UBE2D2: variants seen among roughly 807,000 people sequenced by gnomAD.
The protein encoded by UBE2D2 is ubiquitin-conjugating enzyme E2 D2.
Under a neutral mutation model 24.2 loss-of-function variants are expected in UBE2D2, and 2 were observed. The observed-to-expected ratio is 0.08, with a 90% CI of 0.03 to 0.26. UBE2D2 has a LOEUF of 0.26. UBE2D2 is among the 10% of genes least tolerant of loss of function. The probability of loss-of-function intolerance (pLI) is 1.00; values close to 1 mark genes in which losing one functional copy is unlikely to be tolerated. For missense variants in UBE2D2, 44 were observed against 177.6 expected, an observed-to-expected ratio of 0.25 and a Z score of 4.28; for synonymous variants, 58 against 56.5, an observed-to-expected ratio of 1.03 and a Z score of -0.12.
At chr5:139,621,270 A>G (rs1280134871) in intron 5 of UBE2D2, among the ~76,000 whole-genome samples, 1 of 152,180 alleles carries the variant, frequency 6.6e-6, no homozygotes, top group Non-Finnish European at 1.5e-5. Context: ...AAATAAATAA[A>G]TATTTTAAAA....
At chr5:139,545,907 A>G (rs1337242351) in intron 1 of UBE2D2, among the ~76,000 whole-genome samples, 2 of 150,070 alleles carry the variant, frequency 1.3e-5, no homozygotes, top group African/African-American at 2.5e-5. Flanking sequence ...TATTTTTTTA[A>G]GTAGAGATGG....
At chr5:139,564,098 A>AT (rs1224042449) in intron 1 of UBE2D2, among the ~76,000 whole-genome samples, 1 of 152,144 alleles carries the variant, frequency 6.6e-6, no homozygotes, top group Non-Finnish European at 1.5e-5. Flanking sequence ...TCTAGAATAG[A>AT]TTTTCCTTAA....
At chr5:139,560,947 G>A (rs1291266716), upstream of UBE2D2, among the ~76,000 whole-genome samples, 1 of 152,214 alleles carries the variant, frequency 6.6e-6, no homozygotes, top group African/African-American at 2.4e-5. Context: ...TGTGACCTTG[G>A]CCAAGTCCCT....
rs1754668255 is a variant in UBE2D2, at chr5:139,628,098, CAA to C, written c.*1298_*1299del. On this transcript the variant is annotated 3_prime_UTR_variant, in exon 7 of 7. Coordinates refer to ENST00000398733, the MANE Select transcript of UBE2D2 (RefSeq NM_003339.3). ...AGCAACATTGACCAAACCTGGGAAA[CAA>C]GAGCACAGTCTTGTTTGGAGAGTCT... The C allele has an allele frequency of 6.6e-6, 1 of 152,632 alleles. No homozygotes were observed. The highest frequency in any genetic ancestry group is 1.5e-5 in the Non-Finnish European group (1 of 68,040). The allele number at this position is 152,632 out of a possible 1,614,324, so 9.5% of individuals were successfully genotyped here.
rs1222873827 is a variant in UBE2D2, at chr5:139,581,904, T to C, written c.25-18468T>C. ...GGCTGGTTTCAAACTCCTGACCTTG[T>C]GATCTGGCCGCCATGGCCTCCCAAA... On this transcript the variant is annotated intron_variant, in intron 1 of 6. Transcript: ENST00000398733. 2.0e-5 allele frequency among the ~76,000 whole-genome samples: 3 copies of C among 152,282 alleles called. No individual in the cohort carries two copies. In the East Asian group the frequency reaches 5.8e-4, roughly 29 times the overall value.
chr5:139,583,580 G>A (rs1295954965), intron 1 of UBE2D2, among the ~76,000 whole-genome samples: 4 of 152,070 alleles, frequency 2.6e-5, no homozygotes, highest in African/African-American at 7.2e-5. Flanking sequence ...TGGCCAACAA[G>A]GTGAAACCCT....
chr5:139,585,623 C>T (rs1328746263), intron 1 of UBE2D2, among the ~76,000 whole-genome samples: 2 of 151,972 alleles, frequency 1.3e-5, no homozygotes, highest in Admixed American at 1.3e-4. Flanking sequence ...AGTATTTGAG[C>T]ACTAATTCTG....
Position 139,626,812 on chromosome 5 carries a change from T to G in UBE2D2, c.*11T>G. The G allele has an allele frequency of 6.2e-7, 1 of 1,610,444 alleles. No individual in the cohort carries two copies. The highest frequency in any genetic ancestry group is 8.5e-7 in the Non-Finnish European group (1 of 1,177,358). ...AAGTATGCGATGTAATTAAAGAAAT[T>G]ATTGGATAACCTCTACAAATAAAGA... is the stretch of plus-strand genomic sequence containing the variant. On this transcript the variant is annotated 3_prime_UTR_variant, in exon 7 of 7. Transcript: ENST00000398733.
Position 139,571,145 on chromosome 5 carries a change from A to T in UBE2D2, c.24+9330A>T, listed in dbSNP as rs773334086. 2.6e-5 allele frequency among the ~76,000 whole-genome samples: 4 copies of T among 151,994 alleles called. 1 individual carries two copies. The highest frequency in any genetic ancestry group is 6.3e-3 in the Middle Eastern group (2 of 316). On this transcript the variant is annotated intron_variant, in intron 1 of 6. Transcript: ENST00000398733. ...ACAGATCGGCTGGGCGCGGTGGCTC[A>T]TGCCTGTAATCCCAGCACTTTGGGA...
intron 1 of UBE2D2, among the ~76,000 whole-genome samples, chr5:139,542,717 G>T (rs898262412): frequency 6.6e-6 from 1 of 152,130 alleles, no homozygotes; most frequent in Non-Finnish European, 1.5e-5. Context: ...AGTAACCCAA[G>T]TGTCCATCAG....
chr5:139,559,748 C>T (rs1165449371), upstream of UBE2D2, among the ~76,000 whole-genome samples: 1 of 152,128 alleles, frequency 6.6e-6, no homozygotes, highest in East Asian at 1.9e-4. Context: ...TCTGCAAGGT[C>T]CTTTCTGGAT....
chr5:139,625,505 AC>A lies in UBE2D2; in HGVS notation c.399-1250del, dbSNP rs202231850. Among the ~76,000 whole-genome samples, 1,131 of 132,788 alleles carry A rather than the reference AC, an allele frequency of 8.5e-3. 8 individuals carry two copies. The highest frequency in any genetic ancestry group is 0.065 in the Middle Eastern group (12 of 186). The allele number at this position is 132,788 out of a possible 152,430, so 87.1% of individuals were successfully genotyped here. On this transcript the variant is annotated intron_variant, in intron 6 of 6. Transcript: ENST00000398733. ...GTTGCCCGGACTGGAATGCAGTGGCACAATCACAGCTCACTGTAACCTCAAC... is the reference window on the plus strand; with the variant it reads ...GTTGCCCGGACTGGAATGCAGTGGCAAATCACAGCTCACTGTAACCTCAAC...
At chr5:139,563,138 A>T (rs1014719898) in intron 1 of UBE2D2, among the ~76,000 whole-genome samples, 1 of 152,110 alleles carries the variant, frequency 6.6e-6, no homozygotes, top group African/African-American at 2.4e-5. Context: ...GAATGATGGG[A>T]TGGGGATGCA....
chr5:139,534,429 C>T (rs1752639089), intron 1 of UBE2D2, among the ~76,000 whole-genome samples: 3 of 151,904 alleles, frequency 2.0e-5, no homozygotes, highest in South Asian at 2.1e-4. Flanking sequence ...AGCCGGGCGT[C>T]GTGGCGGGCG....
chr5:139,542,292 A>G (rs1247998457), intron 1 of UBE2D2, among the ~76,000 whole-genome samples: 1 of 152,194 alleles, frequency 6.6e-6, no homozygotes, highest in African/African-American at 2.4e-5. Context: ...ATGAGCCACC[A>G]CACTCAGCCT....
In UBE2D2 at chr5:139,626,742, C is replaced by CT; in HGVS notation, c.399-11dup. 1 of 1,613,122 alleles carries CT rather than the reference C, an allele frequency of 6.2e-7. No homozygotes were observed. The highest frequency in any genetic ancestry group is 8.5e-7 in the Non-Finnish European group (1 of 1,179,390). On this transcript the variant is annotated splice_polypyrimidine_tract_variant and intron_variant, in intron 6 of 6. Coordinates refer to ENST00000398733, the MANE Select transcript of UBE2D2 (RefSeq NM_003339.3). ...CACACCTATGTTAAGCCAAGCTTCT[C>CT]TTTGTGTGTACAGGTACAACAGAAT...
Position 139,561,748 on chromosome 5 carries a change from G to GC in UBE2D2, c.-39dup. On this transcript the variant is annotated 5_prime_UTR_variant, in exon 1 of 7. Coordinates refer to ENST00000398733, the MANE Select transcript of UBE2D2 (RefSeq NM_003339.3). ...CTAGCCCCTTCCCCGTCCCTTCCCCGCCCCCGTCCCCGCCCCGGGGGCCGC... is the reference window on the plus strand; with the variant it reads ...CTAGCCCCTTCCCCGTCCCTTCCCCGCCCCCCGTCCCCGCCCCGGGGGCCGC... 8 of 513,248 alleles carry GC rather than the reference G, an allele frequency of 1.6e-5. No individual in the cohort carries two copies. Among genetic ancestry groups the GC allele is most frequent in the Non-Finnish European group, 2.4e-5 (8 of 329,492 alleles). The allele number at this position is 513,248 out of a possible 1,614,324, so 31.8% of individuals were successfully genotyped here. A position where few individuals can be genotyped will look rare whatever the true frequency, so the allele number is the denominator to read the frequency against.
chr5:139,599,645 G>A (rs966014006), intron 1 of UBE2D2: 1 of 151,872 alleles, frequency 6.6e-6, no homozygotes, highest in Non-Finnish European at 1.5e-5. Flanking sequence ...GCTGAGGCAG[G>A]AGAATGGCGT....
At chr5:139,564,748 C>T (rs1473757388) in intron 1 of UBE2D2, among the ~76,000 whole-genome samples, 1 of 152,206 alleles carries the variant, frequency 6.6e-6, no homozygotes, top group African/African-American at 2.4e-5. Context: ...GCCACGTCAT[C>T]TGGCCTGGCC....
Sources: allele counts gnomAD v4.1 joint callset (sites outside exome capture counted in the v4.1 genomes callset), GRCh38; gene constraint gnomAD v4.1.1; transcripts MANE v1.5; gene names NCBI Gene and HGNC (gene_info 2026-07-23, HGNC 2026-07-21).